Variants in NBEA observed in about 807,000 individuals in gnomAD.
NBEA encodes the protein neurobeachin.
Under a neutral mutation model 343.4 loss-of-function variants are expected in NBEA, and 44 were observed. That is an observed-to-expected ratio of 0.13 (90% CI 0.10 to 0.16). The LOEUF (loss-of-function observed/expected upper bound fraction) is 0.16. Among genes scored for constraint, NBEA ranks in the 10% least tolerant of loss-of-function variants. NBEA has a pLI of 1.00. For missense variants in NBEA, 2,555 were observed against 3,631.3 expected (o/e 0.70, Z 7.62); for synonymous variants, 1,175 against 1,238.7 (o/e 0.95, Z 1.08).
At chr13:35,262,292 A>T (rs553938914) in intron 34 of NBEA, among the ~76,000 whole-genome samples, 2 of 152,184 alleles carry the variant, frequency 1.3e-5, no homozygotes, top group African/African-American at 4.8e-5. Flanking sequence ...AGTTAAACAA[A>T]CTCTTAATTA....
chr13:35,289,624 T>C (rs1346769742), intron 34 of NBEA, among the ~76,000 whole-genome samples: 1 of 151,912 alleles, frequency 6.6e-6, no homozygotes, highest in African/African-American at 2.4e-5. Context: ...TATACGTTCT[T>C]AACCTGTAGA....
At chr13:35,447,213 A>G (rs2046091530) in intron 39 of NBEA, among the ~76,000 whole-genome samples, 1 of 152,092 alleles carries the variant, frequency 6.6e-6, no homozygotes. Flanking sequence ...GGAGGAGTTC[A>G]TGTCTCCAGT....
At chr13:35,377,829 C>A (rs1183359340) in intron 38 of NBEA, among the ~76,000 whole-genome samples, 1 of 152,164 alleles carries the variant, frequency 6.6e-6, no homozygotes, top group East Asian at 1.9e-4. Flanking sequence ...TCTCTCATTT[C>A]TCCAATCAAA....
At chr13:35,260,859 G>T (rs1307915699) in intron 34 of NBEA, among the ~76,000 whole-genome samples, 1 of 152,084 alleles carries the variant, frequency 6.6e-6, no homozygotes, top group Admixed American at 6.6e-5. Flanking sequence ...CAGAAGAGTG[G>T]CACATTAGTA....
chr13:35,422,022 A>G (rs2044303926), intron 38 of NBEA, among the ~76,000 whole-genome samples: 1 of 151,300 alleles, frequency 6.6e-6, no homozygotes, highest in African/African-American at 2.4e-5. Flanking sequence ...GAGTTCAGTA[A>G]GCTACTTAAA....
chr13:35,656,091 C>T (rs1054741830), intron 55 of NBEA, among the ~76,000 whole-genome samples: 3 of 152,210 alleles, frequency 2.0e-5, no homozygotes, highest in African/African-American at 7.2e-5. Flanking sequence ...AAAATAATCT[C>T]TCCCTGCTCT....
At chr13:35,375,576 C>G (rs752415602) in intron 38 of NBEA, among the ~76,000 whole-genome samples, 1 of 152,066 alleles carries the variant, frequency 6.6e-6, no homozygotes, top group Non-Finnish European at 1.5e-5. Context: ...TTTACTTCCA[C>G]TACATAAAAG....
At chr13:35,662,003 A>G (rs997699789) in intron 55 of NBEA, among the ~76,000 whole-genome samples, 1 of 152,166 alleles carries the variant, frequency 6.6e-6, no homozygotes, top group African/African-American at 2.4e-5. Flanking sequence ...GTGTCCCACA[A>G]ATGAGGTTTA....
At chr13:35,544,810 T>G (rs2078993851) in intron 41 of NBEA, among the ~76,000 whole-genome samples, 1 of 152,218 alleles carries the variant, frequency 6.6e-6, no homozygotes, top group African/African-American at 2.4e-5. Context: ...GGGGTCAAGA[T>G]GCTTTAATAT....
chr13:35,086,657 T>A (rs927527468), intron 10 of NBEA, among the ~76,000 whole-genome samples: 2 of 152,132 alleles, frequency 1.3e-5, no homozygotes, highest in Admixed American at 6.6e-5. Flanking sequence ...AGATTTCCTT[T>A]CCTTTGGATA....
chr13:35,092,882 C>A (rs2065157912), intron 10 of NBEA, among the ~76,000 whole-genome samples: 1 of 151,988 alleles, frequency 6.6e-6, no homozygotes, highest in African/African-American at 2.4e-5. Flanking sequence ...CATGTCCACA[C>A]AAAAGCCTTT....
At chr13:35,425,283 T>C (rs906271688) in intron 38 of NBEA, among the ~76,000 whole-genome samples, 1 of 152,212 alleles carries the variant, frequency 6.6e-6, no homozygotes, top group Admixed American at 6.5e-5. Flanking sequence ...TGTGGGCATT[T>C]AGTGCTATAA....
chr13:34,971,819 CT>C (rs527325078), intron 1 of NBEA, among the ~76,000 whole-genome samples: 2,959 of 137,598 alleles, frequency 0.022, 69 homozygotes, highest in African/African-American at 0.062. Flanking sequence ...TTTTTCTTTT[CT>C]TTTTTTTTTT....
At chr13:35,528,085 A>G (rs1229839874) in intron 41 of NBEA, among the ~76,000 whole-genome samples, 1 of 152,230 alleles carries the variant, frequency 6.6e-6, no homozygotes, top group Non-Finnish European at 1.5e-5. Context: ...ATATGGATGC[A>G]TTATCCTAAT....
intron 41 of NBEA, among the ~76,000 whole-genome samples, chr13:35,526,899 G>A (rs979795392): frequency 3.9e-5 from 6 of 152,222 alleles, no homozygotes; most frequent in Admixed American, 1.3e-4. Flanking sequence ...GATGGGCACC[G>A]GGAAATGCAG....
At chr13:35,194,262 A>T (rs891392000) in intron 30 of NBEA, among the ~76,000 whole-genome samples, 1 of 152,040 alleles carries the variant, frequency 6.6e-6, no homozygotes, top group African/African-American at 2.4e-5. Context: ...AGAAGCTGTG[A>T]TCACACCCAA....
rs1023585238 is a variant in NBEA, at chr13:35,649,644, C to G, written c.7771-11C>G. On this transcript the variant is annotated splice_polypyrimidine_tract_variant and intron_variant, in intron 51 of 58. Transcript: ENST00000379939. Reference sequence around the variant, plus strand: ...TGTCTTCCTCTGTTCTCTTCCCTTTCTATTCAACAGTGTTTCCTTCCACAG... The same window carrying G: ...TGTCTTCCTCTGTTCTCTTCCCTTTGTATTCAACAGTGTTTCCTTCCACAG... 1.2e-6 allele frequency: 2 copies of G among 1,603,996 alleles called. No homozygotes were observed. Among genetic ancestry groups the G allele is most frequent in the African/African-American group, 2.7e-5 (2 of 74,702 alleles).
At chr13:35,474,952 A>G in intron 41 of NBEA, 4 of 1,205,008 alleles carry the variant, frequency 3.3e-6, no homozygotes, top group Non-Finnish European at 3.5e-6. Flanking sequence ...TTTTAAAGGA[A>G]GAGATTGTTT....
At chr13:35,448,620 G>A (rs1361135174) in intron 39 of NBEA, among the ~76,000 whole-genome samples, 1 of 152,218 alleles carries the variant, frequency 6.6e-6, no homozygotes, top group Non-Finnish European at 1.5e-5. Context: ...TTCCAGTCAT[G>A]AAGGAACTTG....
Sources: gnomAD v4.1 joint callset for allele counts (sites outside exome capture counted in the v4.1 genomes callset) on GRCh38, gnomAD v4.1.1 for gene constraint, MANE v1.5 for transcripts, NCBI Gene and HGNC (gene_info 2026-07-23, HGNC 2026-07-21) for gene names.